ARMC9: variants seen among roughly 807,000 people sequenced by gnomAD.
The protein encoded by ARMC9 is lisH domain-containing protein ARMC9.
In ARMC9, 94 loss-of-function variants were observed where a neutral mutation model predicts 107.0. The ratio of observed to expected loss-of-function variants is 0.88; its 90% confidence interval spans 0.74 to 1.04. The LOEUF (loss-of-function observed/expected upper bound fraction) is 1.04, where lower values mean the gene tolerates loss of function less well. Among genes scored for constraint, ARMC9 ranks in the 50% least tolerant of loss-of-function variants. ARMC9 has a pLI of 0.00. For synonymous variants in ARMC9, 380 were observed against 396.9 expected (o/e 0.96, Z 0.51); for missense variants, 942 against 1,030.1 (o/e 0.91, Z 1.17).
intron 24 of ARMC9, among the ~76,000 whole-genome samples, chr2:231,371,257 C>T (rs574652533): frequency 2.6e-5 from 4 of 152,334 alleles, no homozygotes; most frequent in East Asian, 3.9e-4. Context: ...CAGCCATGGG[C>T]GTTGTGTGTC....
intron 9 of ARMC9, among the ~76,000 whole-genome samples, chr2:231,242,989 G>T (rs941110718): frequency 9.2e-5 from 14 of 152,278 alleles, no homozygotes; most frequent in Admixed American, 3.3e-4. Context: ...GCTCACGCCT[G>T]TAATCCCAGC....
intron 16 of ARMC9, 83 bp from the exon 17 acceptor site, chr2:231,281,976 T>G: frequency 8.4e-6 from 11 of 1,304,142 alleles, no homozygotes; most frequent in African/African-American, 1.5e-5. Flanking sequence ...ATTTGCCAGA[T>G]TGTTCTGAGG....
chr2:231,330,157 G>T (rs2043622615), intron 19 of ARMC9, among the ~76,000 whole-genome samples: 1 of 151,690 alleles, frequency 6.6e-6, no homozygotes, highest in Non-Finnish European at 1.5e-5. Flanking sequence ...ACTATAGCTT[G>T]AAATCATGTA....
rs148988433 is a variant in ARMC9 at position 231,335,381 on chromosome 2, G to A, written c.1878+3484G>A. On this transcript the variant is annotated intron_variant, in intron 20 of 24. Coordinates refer to ENST00000611582, the MANE Select transcript of ARMC9 (RefSeq NM_001352754.2). Reference sequence around the variant, plus strand: ...AGCTTGGGAGTAAGGGTGGAGGTGCGACTGGGGCGTCCGCCAGAGTGTTCG... The same window carrying A: ...AGCTTGGGAGTAAGGGTGGAGGTGCAACTGGGGCGTCCGCCAGAGTGTTCG... 7.7e-3 allele frequency among the ~76,000 whole-genome samples: 1,167 copies of A among 152,274 alleles called. 16 individuals carry two copies. Among genetic ancestry groups the A allele is most frequent in the African/African-American group, 0.026 (1,093 of 41,542 alleles).
intron 20 of ARMC9, among the ~76,000 whole-genome samples, chr2:231,340,913 A>AG (rs1230865032): frequency 6.6e-6 from 1 of 151,052 alleles, no homozygotes; most frequent in Non-Finnish European, 1.5e-5. Context: ...CAAACAAAAA[A>AG]CAAGTGTAGG....
At position 231,355,800 on chromosome 2, in the gene ARMC9, T is replaced by A; in HGVS notation, c.1997T>A (p.Val666Glu). ...CCGTTTTTCATGTTTTTCTCCAGGG[T>A]GGAAGACCAACACACACCTCCCCAG... ...PGGHRNGYPV[V>E]EDQHTPPQTA... The change falls in exon 22 of 25, where the codon GTG becomes GAG. Residue 666 changes from valine to glutamate, a missense_variant and splice_region_variant. Transcript: ENST00000611582. 6.5e-7 allele frequency: 1 copy of A among 1,531,650 alleles called. No individual in the cohort carries two copies. Among genetic ancestry groups the A allele is most frequent in the South Asian group, 1.2e-5 (1 of 83,772 alleles). The allele number at this position is 1,531,650 out of a possible 1,614,324, so 94.9% of individuals were successfully genotyped here.
chr2:231,370,416 C>T (rs905221350), intron 24 of ARMC9, among the ~76,000 whole-genome samples: 31 of 152,352 alleles, frequency 2.0e-4, no homozygotes, highest in African/African-American at 7.2e-4. Flanking sequence ...GAGAGAAGCC[C>T]CTCCCCACTT....
intron 23 of ARMC9, among the ~76,000 whole-genome samples, chr2:231,361,619 T>C (rs2045589633): frequency 6.6e-6 from 1 of 152,072 alleles, no homozygotes; most frequent in African/African-American, 2.4e-5. Context: ...CGCCAGCTCT[T>C]TCTTTTGGAT....
At chr2:231,365,439 G>A (rs922827761) in intron 23 of ARMC9, among the ~76,000 whole-genome samples, 4 of 152,108 alleles carry the variant, frequency 2.6e-5, no homozygotes, top group East Asian at 1.9e-4. Context: ...GTCATAATCC[G>A]GCTGCTAAGC....
At chr2:231,310,900 G>A (rs2042309440) in intron 19 of ARMC9, among the ~76,000 whole-genome samples, 1 of 152,208 alleles carries the variant, frequency 6.6e-6, no homozygotes, top group South Asian at 2.1e-4. Flanking sequence ...GCTGAGGTGG[G>A]AGGATCGCTT....
chr2:231,299,160 A>G (rs1278444420), intron 19 of ARMC9, among the ~76,000 whole-genome samples: 1 of 152,222 alleles, frequency 6.6e-6, no homozygotes, highest in South Asian at 2.1e-4. Context: ...CTGAATATAC[A>G]TACGTTTATA....
chr2:231,324,289 A>T (rs985127625), intron 19 of ARMC9, among the ~76,000 whole-genome samples: 10 of 151,006 alleles, frequency 6.6e-5, no homozygotes, highest in Non-Finnish European at 1.3e-4. Flanking sequence ...CACCACGCCC[A>T]GCTAATTTTT....
chr2:231,270,084 C>T (rs532767828), intron 12 of ARMC9, among the ~76,000 whole-genome samples: 15 of 152,228 alleles, frequency 9.9e-5, no homozygotes, highest in Admixed American at 3.3e-4. Flanking sequence ...AATTCTTTCC[C>T]CGTGGGCTGG....
intron 1 of ARMC9, among the ~76,000 whole-genome samples, chr2:231,199,899 T>C (rs764177466): frequency 6.6e-6 from 1 of 152,136 alleles, no homozygotes; most frequent in East Asian, 1.9e-4. Flanking sequence ...GGTTCCACCA[T>C]GTTGATCAGG....
At chr2:231,290,822 C>G (rs1186601469) in intron 17 of ARMC9, among the ~76,000 whole-genome samples, 1 of 151,742 alleles carries the variant, frequency 6.6e-6, no homozygotes. Context: ...TCTCAATGAT[C>G]ATATTTGGCC....
chr2:231,296,634 GTC>G (rs2041391552), intron 19 of ARMC9, among the ~76,000 whole-genome samples: 2 of 152,224 alleles, frequency 1.3e-5, no homozygotes, highest in Admixed American at 1.3e-4. Flanking sequence ...CCTGGCGAGA[GTC>G]TCTGGCGTGA....
At chr2:231,324,245 A>G (rs1201370536) in intron 19 of ARMC9, among the ~76,000 whole-genome samples, 1 of 142,700 alleles carries the variant, frequency 7.0e-6, no homozygotes, top group Admixed American at 7.6e-5. Flanking sequence ...CTTCTGCCTC[A>G]GCCTCCTGAG....
intron 7 of ARMC9, among the ~76,000 whole-genome samples, chr2:231,228,717 C>T (rs2034913555): frequency 1.3e-5 from 2 of 152,130 alleles, no homozygotes; most frequent in Admixed American, 6.5e-5. Context: ...CATTTTAAAA[C>T]CACCACCATA....
intron 12 of ARMC9, among the ~76,000 whole-genome samples, chr2:231,268,325 C>A (rs577495505): frequency 4.6e-5 from 7 of 152,240 alleles, no homozygotes; most frequent in African/African-American, 1.7e-4. Flanking sequence ...CTGTGCAATG[C>A]CCTGTGTAGA....
Sources: allele counts gnomAD v4.1 joint callset (sites outside exome capture counted in the v4.1 genomes callset), GRCh38; gene constraint gnomAD v4.1.1; transcripts MANE v1.5; gene names NCBI Gene and HGNC (gene_info 2026-07-23, HGNC 2026-07-21).